UTRN: variants seen among roughly 807,000 people sequenced by gnomAD.
UTRN encodes utrophin, also known as dystrophin-related protein 1.
In UTRN, 283 loss-of-function variants were observed where a neutral mutation model predicts 463.9. That is an observed-to-expected ratio of 0.61 (90% CI 0.55 to 0.67). The LOEUF (loss-of-function observed/expected upper bound fraction) is 0.67, where lower values mean the gene tolerates loss of function less well. Among genes scored for constraint, UTRN ranks in the 30% least tolerant of loss-of-function variants. The pLI is 0.00. For synonymous variants in UTRN, 1,442 were observed against 1,431.5 expected (o/e 1.01, Z -0.17); for missense variants, 3,922 against 4,084.3 (o/e 0.96, Z 1.08).
chr6:144,330,452 A>G (rs1776257129), intron 2 of UTRN, among the ~76,000 whole-genome samples: 1 of 152,168 alleles, frequency 6.6e-6, no homozygotes, highest in African/African-American at 2.4e-5. Context: ...AGGTTATAAA[A>G]TTGATGAGAA....
At chr6:144,468,591 A>AGTGTGT (rs113136064) in intron 23 of UTRN, among the ~76,000 whole-genome samples, 72 of 150,402 alleles carry the variant, frequency 4.8e-4, no homozygotes, top group East Asian at 2.1e-3. Flanking sequence ...CCCTTAAAGA[A>AGTGTGT]ATGTGTGTGT....
At chr6:144,344,873 T>G (rs1297468590) in intron 2 of UTRN, among the ~76,000 whole-genome samples, 1 of 152,236 alleles carries the variant, frequency 6.6e-6, no homozygotes, top group Non-Finnish European at 1.5e-5. Context: ...CATAACTTCA[T>G]GCAGGGAAAG....
chr6:144,463,295 T>C (rs1789598071), intron 23 of UTRN, among the ~76,000 whole-genome samples: 1 of 152,174 alleles, frequency 6.6e-6, no homozygotes, highest in Non-Finnish European at 1.5e-5. Context: ...AGATAGGCCA[T>C]TGACAGTGTC....
intron 2 of UTRN, among the ~76,000 whole-genome samples, chr6:144,379,673 G>C (rs919285373): frequency 2.0e-5 from 3 of 152,234 alleles, no homozygotes; most frequent in African/African-American, 7.2e-5. Context: ...CCCATACTCA[G>C]TGGGTGGGGA....
At chr6:144,770,594 C>T (rs1793900169) in intron 58 of UTRN, among the ~76,000 whole-genome samples, 1 of 151,898 alleles carries the variant, frequency 6.6e-6, no homozygotes, top group African/African-American at 2.4e-5. Flanking sequence ...GCCACTGACC[C>T]ACCAAAGTCA....
intron 51 of UTRN, among the ~76,000 whole-genome samples, chr6:144,628,683 A>G (rs182782196): frequency 6.6e-6 from 1 of 152,364 alleles, no homozygotes; most frequent in Non-Finnish European, 1.5e-5. Context: ...AAAAGAACGC[A>G]TAGAAACATT....
chr6:144,548,612 T>G, intron 46 of UTRN, 28 bp from the exon 47 acceptor site: 1 of 1,597,990 alleles, frequency 6.3e-7, no homozygotes, highest in Non-Finnish European at 8.6e-7. Context: ...GTTGATTAAT[T>G]TCTCTTTTGC....
At chr6:144,686,468 T>C (rs548953898) in intron 52 of UTRN, among the ~76,000 whole-genome samples, 1 of 152,118 alleles carries the variant, frequency 6.6e-6, no homozygotes, top group Non-Finnish European at 1.5e-5. Context: ...CAGTGATGTG[T>C]CTAGTGCTGT....
intron 48 of UTRN, among the ~76,000 whole-genome samples, chr6:144,553,042 C>CT (rs772985676): frequency 6.6e-6 from 1 of 152,040 alleles, no homozygotes; most frequent in Admixed American, 6.6e-5. Flanking sequence ...TTGTTGATAG[C>CT]TTTTTTGTTT....
At chr6:144,337,274 A>G (rs1052849370) in intron 2 of UTRN, among the ~76,000 whole-genome samples, 10 of 151,378 alleles carry the variant, frequency 6.6e-5, no homozygotes, top group Non-Finnish European at 1.0e-4. Context: ...CTCTTAGCAC[A>G]CTCCTTCTAT....
At position 144,757,831 on chromosome 6, in the gene UTRN, G is replaced by C. The variant is rs368589501; in HGVS notation, c.8435-98G>C. On this transcript the variant is annotated intron_variant, in intron 57 of 74. Coordinates refer to ENST00000367545, the MANE Select transcript of UTRN (RefSeq NM_007124.3). ...GGAATCCAGCTCAGAAACCAGAGCA[G>C]TTCATTGAATTTGCTATAAAATGTT... is the stretch of plus-strand genomic sequence containing the variant. The C allele has an allele frequency of 2.4e-5, 26 of 1,097,920 alleles. No individual in the cohort carries two copies. In the African/African-American group the frequency reaches 3.0e-4, roughly 13 times the overall value. 68.0% of individuals were successfully genotyped at this position (1,097,920 alleles called of 1,614,324 possible).
At chr6:144,436,836 T>TTATA (rs1403695697) in intron 10 of UTRN, among the ~76,000 whole-genome samples, 77 of 144,564 alleles carry the variant, frequency 5.3e-4, no homozygotes, top group Middle Eastern at 3.6e-3. Flanking sequence ...ATATTTTATT[T>TTATA]TATATATAAA....
chr6:144,583,425 C>G, intron 51 of UTRN: 1 of 640,992 alleles, frequency 1.6e-6, no homozygotes, highest in Non-Finnish European at 2.9e-6. Flanking sequence ...GTCCAGTGAC[C>G]GGGAGGAAAT....
chr6:144,440,941 A>G (rs1213228230), intron 13 of UTRN, among the ~76,000 whole-genome samples: 1 of 152,060 alleles, frequency 6.6e-6, no homozygotes, highest in African/African-American at 2.4e-5. Context: ...CTTTTTTTAA[A>G]ACCATCAGAC....
intron 64 of UTRN, among the ~76,000 whole-genome samples, chr6:144,799,217 G>A (rs73594589): frequency 0.032 from 4,900 of 152,266 alleles, 259 homozygotes; most frequent in African/African-American, 0.11. Flanking sequence ...TAGTTTGTAC[G>A]AAGCATATCA....
At chr6:144,679,327 C>T (rs183575994) in intron 52 of UTRN, among the ~76,000 whole-genome samples, 17 of 151,976 alleles carry the variant, frequency 1.1e-4, no homozygotes, top group Admixed American at 9.8e-4. Flanking sequence ...GTGGACAGCT[C>T]CTAATTATAT....
At chr6:144,729,624 T>A (rs1440346641) in intron 53 of UTRN, among the ~76,000 whole-genome samples, 1 of 152,224 alleles carries the variant, frequency 6.6e-6, no homozygotes, top group South Asian at 2.1e-4. Flanking sequence ...TTCATTACTC[T>A]TATCTTGCAG....
chr6:144,485,514 C>T lies in UTRN; in HGVS notation c.3817C>T (p.Leu1273=). The T allele has an allele frequency of 6.2e-7, 1 of 1,612,098 alleles. No individual in the cohort carries two copies. Among genetic ancestry groups the T allele is most frequent in the Non-Finnish European group, 8.5e-7 (1 of 1,179,352 alleles). ...GAAGACGGATGCTGTCAACGAAGCC[C>T]TGGAGGTTGGAACCCGTGATCTCCA... ...PEKTDAVNEA[L]ESLESVLRHP... Residue 1273 remains leucine, a synonymous_variant, in exon 28 of 75, where the codon CTG becomes TTG. Transcript: ENST00000367545.
At chr6:144,794,086 A>G (rs2128744133) in intron 63 of UTRN, 95 bp downstream of exon 63, 2 of 1,502,658 alleles carry the variant, frequency 1.3e-6, no homozygotes, top group Middle Eastern at 2.5e-4. Flanking sequence ...CTGGAGCCAA[A>G]TACTGGAAGA....
Sources: gnomAD v4.1 joint callset for allele counts (sites outside exome capture counted in the v4.1 genomes callset) on GRCh38, gnomAD v4.1.1 for gene constraint, MANE v1.5 for transcripts, NCBI Gene and HGNC (gene_info 2026-07-23, HGNC 2026-07-21) for gene names.